The following DMXL2 variants were observed in gnomAD, a reference collection of about 807,000 sequenced individuals.
The protein encoded by DMXL2 is Dmx like 2, also known as dmX-like protein 2.
A neutral mutation model predicts 331.1 loss-of-function variants in DMXL2; 103 were observed. The observed-to-expected ratio is 0.31, with a 90% CI of 0.27 to 0.37. The LOEUF (loss-of-function observed/expected upper bound fraction) is 0.37. Ranked by LOEUF, DMXL2 falls within the 10% of genes least tolerant of loss-of-function variation. The probability of loss-of-function intolerance (pLI) is 1.00; values close to 1 mark genes in which losing one functional copy is unlikely to be tolerated. For synonymous variants in DMXL2, 1,281 were observed against 1,252.1 expected, an observed-to-expected ratio of 1.02 and a Z score of -0.49; for missense variants, 3,171 against 3,642.9, an observed-to-expected ratio of 0.87 and a Z score of 3.33.
intron 13 of DMXL2, among the ~76,000 whole-genome samples, chr15:51,533,307 C>T (rs1596153364): frequency 6.6e-6 from 1 of 152,198 alleles, no homozygotes; most frequent in East Asian, 1.9e-4. Flanking sequence ...AGGTGTGAGT[C>T]ACCGTGCCTG....
chr15:51,587,959 A>C (rs1355393181), intron 1 of DMXL2, among the ~76,000 whole-genome samples: 1 of 152,100 alleles, frequency 6.6e-6, no homozygotes, highest in Non-Finnish European at 1.5e-5. Context: ...TGGCTGCATA[A>C]ATGTCTTCTT....
At chr15:51,525,181 C>T (rs1246245548) in intron 13 of DMXL2, among the ~76,000 whole-genome samples, 1 of 151,904 alleles carries the variant, frequency 6.6e-6, no homozygotes, top group South Asian at 2.1e-4. Flanking sequence ...GGGGAAAGAC[C>T]CCTGGCAGGA....
chr15:51,614,460 AC>A (rs2054167132), intron 1 of DMXL2, among the ~76,000 whole-genome samples: 1 of 152,204 alleles, frequency 6.6e-6, no homozygotes, highest in African/African-American at 2.4e-5. Flanking sequence ...TTTGAGAACC[AC>A]CTGTCAATTC....
chr15:51,533,240 C>G (rs866982941), intron 13 of DMXL2, among the ~76,000 whole-genome samples: 1 of 152,098 alleles, frequency 6.6e-6, no homozygotes, highest in Non-Finnish European at 1.5e-5. Flanking sequence ...CCAGGCTGGT[C>G]TTGAACTCAT....
rs75564220 is a variant in DMXL2, at chr15:51,561,326, C to T, written c.567+2055G>A. On this transcript the variant is annotated intron_variant, in intron 6 of 43. Transcript: ENST00000560891. The stretch of plus-strand genomic sequence containing the variant: ...CTTTGGCTTTGATTCTGGGTGAGTG[C>T]AGGAGAGTAGTCTTCATACAATTTC... Among the ~76,000 whole-genome samples, 399 of 152,290 alleles carry T rather than the reference C, an allele frequency of 2.6e-3. 18 individuals are homozygous for T. In the East Asian group the frequency reaches 0.062, roughly 24 times the overall value.
At chr15:51,455,105 CAA>C (rs2141204440) in intron 40 of DMXL2, 44 bp downstream of exon 40, 2 of 1,417,650 alleles carry the variant, frequency 1.4e-6, no homozygotes, top group South Asian at 2.3e-5. Context: ...ACTTCATGAA[CAA>C]AGTGTTGTGT....
Position 51,547,342 on chromosome 15 carries a change from G to A in DMXL2, c.634C>T (p.His212Tyr), listed in dbSNP as rs770952634. Residue 212 changes from histidine (H) to tyrosine (Y), a missense_variant, in exon 7 of 44, where the codon CAT becomes TAT. His to Tyr is a moderately conservative substitution (Grantham distance 83, BLOSUM62 2). Coordinates refer to ENST00000560891, the MANE Select transcript of DMXL2 (RefSeq NM_001378457.1). Reference protein sequence around the residue: ...GWKSSIIPQDHHEVKRRQSST... With the variant: ...GWKSSIIPQDYHEVKRRQSST... ...GACTGTCTCCTTTTTACTTCATGAT[G>A]ATCCTGAGGTATAATTGAAGACTTC... 7 of 1,612,378 alleles carry A rather than the reference G, an allele frequency of 4.3e-6. No homozygotes were observed. In the South Asian group the frequency reaches 6.6e-5, roughly 15 times the overall value.
At chr15:51,455,258 T>C (rs757114605) in intron 39 of DMXL2, 30 bp from the exon 40 acceptor site, 6 of 1,568,428 alleles carry the variant, frequency 3.8e-6, no homozygotes, top group African/African-American at 1.3e-5. Context: ...ACTAAACACA[T>C]GTTCTTAGCA....
chr15:51,608,275 G>A (rs2414108), intron 1 of DMXL2, among the ~76,000 whole-genome samples: 38,019 of 151,902 alleles, frequency 0.25, 5,213 homozygotes, highest in East Asian at 0.47. Context: ...AATATAAATC[G>A]TTATACCATG....
At chr15:51,529,186 G>A (rs780122558) in intron 13 of DMXL2, among the ~76,000 whole-genome samples, 2 of 151,896 alleles carry the variant, frequency 1.3e-5, no homozygotes, top group Non-Finnish European at 2.9e-5. Flanking sequence ...ACAACCTAAC[G>A]ATGACTCTTA....
chr15:51,554,812 T>C (rs2049448609), intron 6 of DMXL2, among the ~76,000 whole-genome samples: 1 of 152,144 alleles, frequency 6.6e-6, no homozygotes, highest in Non-Finnish European at 1.5e-5. Context: ...ATGGAAAAGC[T>C]TTTGACGGTT....
At chr15:51,616,012 G>A (rs2054262187) in intron 1 of DMXL2, among the ~76,000 whole-genome samples, 1 of 152,020 alleles carries the variant, frequency 6.6e-6, no homozygotes, top group Non-Finnish European at 1.5e-5. Flanking sequence ...GAACCAATGG[G>A]TTTCTCCTAA....
chr15:51,512,108 T>C (rs1192389234), intron 15 of DMXL2, among the ~76,000 whole-genome samples: 1 of 151,996 alleles, frequency 6.6e-6, no homozygotes, highest in African/African-American at 2.4e-5. Flanking sequence ...GGTTGATAGG[T>C]GCAGCAAACC....
chr15:51,605,428 T>G (rs2053511322), intron 1 of DMXL2, among the ~76,000 whole-genome samples: 1 of 151,250 alleles, frequency 6.6e-6, no homozygotes, highest in Non-Finnish European at 1.5e-5. Context: ...CTCGAACTCC[T>G]GACTTCAAGT....
intron 1 of DMXL2, among the ~76,000 whole-genome samples, chr15:51,585,207 A>G (rs1475997435): frequency 1.7e-5 from 2 of 119,740 alleles, no homozygotes; most frequent in African/African-American, 6.6e-5. Context: ...GTCATGTGCC[A>G]GTTTTCAAAG....
At chr15:51,456,615 T>A (rs562562380) in intron 37 of DMXL2, among the ~76,000 whole-genome samples, 1 of 152,158 alleles carries the variant, frequency 6.6e-6, no homozygotes, top group East Asian at 1.9e-4. Context: ...ATAAAGGAAC[T>A]CTTCTTCAAG....
At position 51,500,006 on chromosome 15, in the gene DMXL2, G is replaced by A; in HGVS notation, c.3218C>T (p.Ala1073Val). Residue 1073 changes from alanine to valine, a missense_variant, in exon 18 of 44, where the codon GCT becomes GTT. Coordinates refer to ENST00000560891, the MANE Select transcript of DMXL2 (RefSeq NM_001378457.1). ...GCGACCTGTGTATGAACAGCTAACA[G>A]CAACTGGTCTTCCCACAATGCTCAC... ...STVSIVGRPV[A>V]VSCSYTGRLA... The A allele has an allele frequency of 1.2e-6, 2 of 1,614,054 alleles. No individual in the cohort carries two copies. Among genetic ancestry groups the A allele is most frequent in the Non-Finnish European group, 1.7e-6 (2 of 1,179,970 alleles).
rs919026743 is a variant in DMXL2 at position 51,501,952 on chromosome 15, C to T, written c.2992+854G>A. 1.4e-4 allele frequency among the ~76,000 whole-genome samples: 20 copies of T among 145,578 alleles called. 1 individual carries two copies. Among genetic ancestry groups the T allele is most frequent in the Non-Finnish European group, 9.0e-5 (6 of 66,562 alleles). On this transcript the variant is annotated intron_variant, in intron 17 of 43. Transcript: ENST00000560891. ...AAAAAAAAAATTTCATTATTTTGGC[C>T]GGGCGTGGTGGCTCACACCTGTAAT...
At chr15:51,495,180 A>C (rs752712424) in intron 18 of DMXL2, 46 bp from the exon 19 acceptor site, 44 of 1,256,754 alleles carry the variant, frequency 3.5e-5, no homozygotes, top group Non-Finnish European at 4.7e-5. Context: ...AGAATGCAAG[A>C]GGCCACAAAC....
Sources: allele counts gnomAD v4.1 joint callset (sites outside exome capture counted in the v4.1 genomes callset), GRCh38; gene constraint gnomAD v4.1.1; transcripts MANE v1.5; gene names NCBI Gene and HGNC (gene_info 2026-07-23, HGNC 2026-07-21).